The following MAGI1 variants were observed in gnomAD, a reference collection of about 807,000 sequenced individuals.
The protein encoded by MAGI1 is membrane associated guanylate kinase, WW and PDZ domain containing 1, also known as membrane-associated guanylate kinase, WW and PDZ domain-containing protein 1.
A neutral mutation model predicts 139.9 loss-of-function variants in MAGI1; 58 were observed. That is an observed-to-expected ratio of 0.41 (90% CI 0.34 to 0.52). MAGI1 has a LOEUF of 0.52. Among genes scored for constraint, MAGI1 ranks in the 20% least tolerant of loss-of-function variants. MAGI1 has a pLI of 0.12. For synonymous variants in MAGI1, 812 were observed against 737.9 expected (o/e 1.10, Z -1.63); for missense variants, 1,874 against 1,901.6 (o/e 0.99, Z 0.27).
intron 1 of MAGI1, among the ~76,000 whole-genome samples, chr3:65,887,934 A>G (rs1369480611): frequency 6.6e-6 from 1 of 152,168 alleles, no homozygotes; most frequent in Non-Finnish European, 1.5e-5. Context: ...ATCGTTAGCA[A>G]CTATTAGAAC....
chr3:65,361,216 C>A lies in MAGI1; in HGVS notation c.3617G>T (p.Gly1206Val). Reference sequence around the variant, plus strand: ...TGACCCACCATATTCTGGTACTGAGCCGTCTCCCCGCTTCAGAAACAGACG... The same window carrying A: ...TGACCCACCATATTCTGGTACTGAGACGTCTCCCCGCTTCAGAAACAGACG... ...RVRLFLKRGD[G>V]SVPEYDPSSD... Residue 1206 changes from glycine (G) to valine (V), a missense_variant, in exon 22 of 23, where the codon GGC (glycine) becomes GTC (valine). Around this residue, in one of 5 missense-constraint regions of MAGI1, gnomAD observed 653 missense variants for 644.5 expected, o/e 1.01. Coordinates refer to ENST00000402939, the MANE Select transcript of MAGI1 (RefSeq NM_001033057.2). The A allele has an allele frequency of 6.2e-7, 1 of 1,614,142 alleles. No homozygotes were observed. Among genetic ancestry groups the A allele is most frequent in the Non-Finnish European group, 8.5e-7 (1 of 1,180,000 alleles).
intron 1 of MAGI1, among the ~76,000 whole-genome samples, chr3:65,748,718 A>G (rs1464296259): frequency 6.6e-6 from 1 of 152,144 alleles, no homozygotes; most frequent in South Asian, 2.1e-4. Flanking sequence ...GTAATAAGAG[A>G]GATAAAGAAA....
chr3:66,012,681 A>G (rs572394631), intron 1 of MAGI1, among the ~76,000 whole-genome samples: 2 of 151,670 alleles, frequency 1.3e-5, no homozygotes, highest in South Asian at 4.2e-4. Flanking sequence ...CAGGAGAACA[A>G]CTTGAACCTG....
intron 1 of MAGI1, among the ~76,000 whole-genome samples, chr3:65,681,324 C>T (rs542261734): frequency 2.6e-5 from 4 of 152,172 alleles, no homozygotes; most frequent in Non-Finnish European, 5.9e-5. Context: ...AAATAAGCTA[C>T]GCCCATAATT....
chr3:65,547,359 C>T lies in MAGI1; in HGVS notation c.431-53728G>A, dbSNP rs149370885. 1.3e-3 allele frequency among the ~76,000 whole-genome samples: 199 copies of T among 152,312 alleles called. 1 individual carries two copies. Among genetic ancestry groups the T allele is most frequent in the Non-Finnish European group, 2.0e-3 (134 of 68,020 alleles). On this transcript the variant is annotated intron_variant, in intron 2 of 22. Coordinates refer to ENST00000402939, the MANE Select transcript of MAGI1 (RefSeq NM_001033057.2). ...TGACACTATTGTTAACTTCTAAATACATCTGATAATATCTGCTTATAAATT... is the reference window on the plus strand; with the variant it reads ...TGACACTATTGTTAACTTCTAAATATATCTGATAATATCTGCTTATAAATT...
intron 3 of MAGI1, among the ~76,000 whole-genome samples, chr3:65,492,780 A>C (rs370391054): frequency 6.6e-6 from 1 of 152,200 alleles, no homozygotes; most frequent in East Asian, 1.9e-4. Flanking sequence ...AGGTATATGA[A>C]GATTACTTAG....
intron 1 of MAGI1, among the ~76,000 whole-genome samples, chr3:65,792,870 A>G (rs1391803811): frequency 6.6e-6 from 1 of 152,140 alleles, no homozygotes; most frequent in Non-Finnish European, 1.5e-5. Flanking sequence ...AAGCAAAACC[A>G]TGGATTGGCG....
intron 1 of MAGI1, among the ~76,000 whole-genome samples, chr3:65,689,652 CAA>C (rs1362245667): frequency 1.3e-5 from 2 of 152,156 alleles, no homozygotes; most frequent in African/African-American, 2.4e-5. Context: ...CTGGAATATT[CAA>C]AGTCATCTTG....
intron 1 of MAGI1, among the ~76,000 whole-genome samples, chr3:65,752,406 C>T (rs142467308): frequency 6.6e-6 from 1 of 152,258 alleles, no homozygotes; most frequent in Non-Finnish European, 1.5e-5. Flanking sequence ...TAAAATAATG[C>T]ATGGGAAAGT....
chr3:65,688,597 A>T, intron 1 of MAGI1: 1 of 296,202 alleles, frequency 3.4e-6, no homozygotes, highest in South Asian at 4.2e-5. Flanking sequence ...GCAGGAAGGG[A>T]AATAAACTCT....
At chr3:65,704,797 G>C (rs570465695) in intron 1 of MAGI1, among the ~76,000 whole-genome samples, 1 of 151,626 alleles carries the variant, frequency 6.6e-6, no homozygotes, top group Admixed American at 6.6e-5. Context: ...TCTATGGTGA[G>C]CTAAATCTCT....
At chr3:65,423,559 C>T (rs1288805594) in intron 12 of MAGI1, among the ~76,000 whole-genome samples, 1 of 152,214 alleles carries the variant, frequency 6.6e-6, no homozygotes, top group Non-Finnish European at 1.5e-5. Context: ...TTACTCATTT[C>T]TTTATGCATA....
chr3:65,920,191 A>G (rs1490417312), intron 1 of MAGI1, among the ~76,000 whole-genome samples: 2 of 152,122 alleles, frequency 1.3e-5, no homozygotes, highest in South Asian at 2.1e-4. Context: ...TCATTTACAC[A>G]TATTAGCCAT....
Position 65,761,912 on chromosome 3 carries a change from T to A in MAGI1, c.314-139824A>T, listed in dbSNP as rs968566475. Among the ~76,000 whole-genome samples the A allele has an allele frequency of 3.3e-5, 5 of 152,132 alleles. No individual in the cohort carries two copies. The East Asian group carries it at 5.8e-4, about 18-fold the overall frequency. On this transcript the variant is annotated intron_variant, in intron 1 of 22. Coordinates refer to ENST00000402939, the MANE Select transcript of MAGI1 (RefSeq NM_001033057.2). ...GAAATGAAAAATGGTCCTGACAAGA[T>A]GAAAAGCTGCATTTTCCATCTTGTT... is the stretch of plus-strand genomic sequence containing the variant.
At chr3:65,986,573 T>G (rs897833929) in intron 1 of MAGI1, among the ~76,000 whole-genome samples, 2 of 152,194 alleles carry the variant, frequency 1.3e-5, no homozygotes, top group African/African-American at 4.8e-5. Context: ...CCGATTTCCT[T>G]TTCAAGATGT....
chr3:65,413,088 A>AG (rs1945918618), intron 12 of MAGI1, among the ~76,000 whole-genome samples: 1 of 151,494 alleles, frequency 6.6e-6, no homozygotes, highest in African/African-American at 2.4e-5. Context: ...GCTGATGAAA[A>AG]AAAATCTCAG....
At chr3:65,516,188 CTCTT>C (rs1431046953) in intron 2 of MAGI1, among the ~76,000 whole-genome samples, 1 of 151,960 alleles carries the variant, frequency 6.6e-6, no homozygotes, top group Non-Finnish European at 1.5e-5. Flanking sequence ...CTCTCTCTCT[CTCTT>C]TTTTTTGAGA....
chr3:65,806,159 G>A lies in MAGI1; in HGVS notation c.314-184071C>T, dbSNP rs150423988. ...TTCAAAAATATAGCTGGCCAGGCAC[G>A]GTGGCTCATGCCTGTAATCCCAGCA... On this transcript the variant is annotated intron_variant, in intron 1 of 22. Transcript: ENST00000402939. 4.7e-3 allele frequency among the ~76,000 whole-genome samples: 713 copies of A among 152,072 alleles called. 4 individuals carry two copies. Among genetic ancestry groups the A allele is most frequent in the African/African-American group, 0.016 (681 of 41,488 alleles).
chr3:65,717,941 A>G (rs529051279), intron 1 of MAGI1, among the ~76,000 whole-genome samples: 4 of 152,338 alleles, frequency 2.6e-5, no homozygotes, highest in South Asian at 4.1e-4. Flanking sequence ...AGCAAACAAC[A>G]TAAGAAAGAT....
Sources: gnomAD v4.1 joint callset for allele counts (sites outside exome capture counted in the v4.1 genomes callset) on GRCh38, gnomAD v4.1.1 for gene constraint, gnomAD v4.1.1 regional missense constraint, MANE v1.5 for transcripts, NCBI Gene and HGNC (gene_info 2026-07-23, HGNC 2026-07-21) for gene names.